Variants in SPP1 observed in about 807,000 individuals in gnomAD.
SPP1 encodes the protein secreted phosphoprotein 1.
Under a neutral mutation model 20.8 loss-of-function variants are expected in SPP1, and 18 were observed. The observed-to-expected ratio is 0.87, with a 90% confidence interval of 0.60 to 1.29. SPP1 has a LOEUF of 1.29. Ranked by LOEUF, SPP1 falls within the 50% of genes most tolerant of loss-of-function variation. SPP1 has a pLI of 0.00. For missense variants in SPP1, 363 were observed against 389.0 expected, an observed-to-expected ratio of 0.93 and a Z score of 0.56; for synonymous variants, 146 against 141.5, an observed-to-expected ratio of 1.03 and a Z score of -0.23.
Position 87,981,733 on chromosome 4 carries a change from C to CT in SPP1, c.475_476insT (p.Arg159LeufsTer3). ...CCCCACAGTAGACACATATGATGGC[C>CT]GAGGTGATAGTGTGGTTTATGGACT... On this transcript the variant is annotated frameshift_variant, in exon 6 of 7. Transcript: ENST00000395080. LOFTEE classifies it high-confidence loss of function. The CT allele has an allele frequency of 6.2e-7, 1 of 1,614,054 alleles. No homozygotes were observed. Among genetic ancestry groups the CT allele is most frequent in the Non-Finnish European group, 8.5e-7 (1 of 1,180,008 alleles).
Position 87,981,652 on chromosome 4 carries a change from C to T in SPP1, c.394C>T (p.Leu132=). Residue 132 remains leucine (L), a synonymous_variant, in exon 6 of 7, where the codon CTG becomes TTG. Coordinates refer to ENST00000395080, the MANE Select transcript of SPP1 (RefSeq NM_001040058.2). ...TCACCATTCTGATGAATCTGATGAACTGGTCACTGATTTTCCCACGGACCT... is the reference window on the plus strand; with the variant it reads ...TCACCATTCTGATGAATCTGATGAATTGGTCACTGATTTTCCCACGGACCT... ...ESHHSDESDE[L]VTDFPTDLPA... is the part of the protein sequence containing the mutation. 1.2e-6 allele frequency: 2 copies of T among 1,614,196 alleles called. No individual in the cohort carries two copies. The highest frequency in any genetic ancestry group is 1.7e-6 in the Non-Finnish European group (2 of 1,180,038).
chr4:87,980,212 T>C, intron 4 of SPP1, 86 bp downstream of exon 4: 1 of 1,506,794 alleles, frequency 6.6e-7, no homozygotes, highest in Admixed American at 1.7e-5. Context: ...GAATCCTGCC[T>C]GCCTGCTGGC....
At position 87,982,770 on chromosome 4, in the gene SPP1, C is replaced by CCACAGCCATGAATTT. The variant is rs1275350978; in HGVS notation, c.832_846dup (p.Phe278_Glu282dup). 1.2e-6 allele frequency: 2 copies of CCACAGCCATGAATTT among 1,614,034 alleles called. No homozygotes were observed. Among genetic ancestry groups the CCACAGCCATGAATTT allele is most frequent in the Non-Finnish European group, 1.7e-6 (2 of 1,180,032 alleles). On this transcript the variant is annotated inframe_insertion, in exon 7 of 7. Coordinates refer to ENST00000395080, the MANE Select transcript of SPP1 (RefSeq NM_001040058.2). ...AACTTTCCAAAGTCAGCCGTGAATT[C>CCACAGCCATGAATTT]CACAGCCATGAATTTCACAGCCATG...
At chr4:87,981,901 T>C in intron 6 of SPP1, 103 bp downstream of exon 6, 2 of 1,037,056 alleles carry the variant, frequency 1.9e-6, no homozygotes, top group South Asian at 1.6e-5. Flanking sequence ...CATTCATCCA[T>C]TCAGCAAGAA....
In SPP1 at chr4:87,982,566, C is replaced by T. The variant is rs1044462490; in HGVS notation, c.615C>T (p.Ile205=). ...SEELNGAYKA[I]PVAQDLNAPS... is the part of the protein sequence containing the mutation. ...AGTTGAATGGTGCATACAAGGCCATCCCCGTTGCCCAGGACCTGAACGCGC... is the reference window on the plus strand; with the variant it reads ...AGTTGAATGGTGCATACAAGGCCATTCCCGTTGCCCAGGACCTGAACGCGC... The change falls in exon 7 of 7, where the codon ATC becomes ATT. Residue 205 remains isoleucine, a synonymous_variant. Coordinates refer to ENST00000395080, the MANE Select transcript of SPP1 (RefSeq NM_001040058.2). The T allele has an allele frequency of 1.2e-6, 2 of 1,614,018 alleles. No homozygotes were observed. Among genetic ancestry groups the T allele is most frequent in the Admixed American group, 1.7e-5 (1 of 59,996 alleles).
At chr4:87,981,167 G>A (rs1476650047) in intron 5 of SPP1, among the ~76,000 whole-genome samples, 1 of 152,076 alleles carries the variant, frequency 6.6e-6, no homozygotes, top group East Asian at 1.9e-4. Flanking sequence ...AGTAAATAAT[G>A]TTTAATATGT....
chr4:87,982,900 G>A lies in SPP1; in HGVS notation c.*4G>A. Reference sequence around the variant, plus strand: ...TGCATCTTCTGAGGTCAATTAAAAGGAGAAAAAATACAATTTCTCACTTTG... The same window carrying A: ...TGCATCTTCTGAGGTCAATTAAAAGAAGAAAAAATACAATTTCTCACTTTG... On this transcript the variant is annotated 3_prime_UTR_variant, in exon 7 of 7. Transcript: ENST00000395080. The A allele has an allele frequency of 2.5e-6, 4 of 1,575,786 alleles. No individual in the cohort carries two copies. Among genetic ancestry groups the A allele is most frequent in the East Asian group, 2.3e-5 (1 of 44,408 alleles).
chr4:87,977,880 G>T (rs1472376116), intron 3 of SPP1: 2 of 1,149,242 alleles, frequency 1.7e-6, no homozygotes. Context: ...GTGTGGAGGG[G>T]TGTGTGTGTC....
intron 5 of SPP1, 47 bp downstream of exon 5, chr4:87,980,481 G>A (rs564289575): frequency 6.3e-7 from 1 of 1,595,026 alleles, no homozygotes; most frequent in East Asian, 2.2e-5. Context: ...TTGAAGAGAT[G>A]AAAGAAGGCA....
intron 1 of SPP1, among the ~76,000 whole-genome samples, chr4:87,976,243 T>A (rs2110064308): frequency 6.6e-6 from 1 of 152,342 alleles, no homozygotes; most frequent in Middle Eastern, 3.4e-3. Context: ...CACTGCTAAA[T>A]TTAGCTGTTA....
chr4:87,982,697 A>G lies in SPP1; in HGVS notation c.746A>G (p.Lys249Arg). 1 of 1,614,180 alleles carries G rather than the reference A, an allele frequency of 6.2e-7. No individual in the cohort carries two copies. Among genetic ancestry groups the G allele is most frequent in the Non-Finnish European group, 8.5e-7 (1 of 1,180,040 alleles). ...AAGCAGTCCAGATTATATAAGCGGA[A>G]AGCCAATGATGAGAGCAATGAGCAT... ...SHKQSRLYKRKANDESNEHSD... is the reference protein window; with the variant it reads ...SHKQSRLYKRRANDESNEHSD... The change falls in exon 7 of 7, where the codon AAA becomes AGA. Residue 249 changes from lysine (K) to arginine (R), a missense_variant. Transcript: ENST00000395080.
chr4:87,977,715 A>G, intron 3 of SPP1: 1 of 1,276,176 alleles, frequency 7.8e-7, no homozygotes. Context: ...CAGCCAAACA[A>G]CAAATGGGCA....
rs140196024 is a variant in SPP1 at position 87,980,699 on chromosome 4, A to C, written c.216+265A>C. 185 of 455,698 alleles carry C rather than the reference A, an allele frequency of 4.1e-4. 1 individual carries two copies. The highest frequency in any genetic ancestry group is 3.5e-3 in the African/African-American group (173 of 49,300). 28.2% of individuals were successfully genotyped at this position (455,698 alleles called of 1,614,324 possible). On this transcript the variant is annotated intron_variant, in intron 5 of 6. Coordinates refer to ENST00000395080, the MANE Select transcript of SPP1 (RefSeq NM_001040058.2). ...GCAATTTATTTAAGGTATTTTGTAG[A>C]TATCTAATATCTAATAAGCATCTAA...
chr4:87,977,671 T>C (rs1725436359), intron 3 of SPP1: 1 of 1,201,628 alleles, frequency 8.3e-7, no homozygotes, highest in East Asian at 6.3e-5. Flanking sequence ...GCACTAAAGA[T>C]GTACCTACCC....
chr4:87,982,776 C>G lies in SPP1; in HGVS notation c.825C>G (p.Ser275Arg). ...ELSKVSREFHSHEFHSHEDML... is the reference protein window; with the variant it reads ...ELSKVSREFHRHEFHSHEDML... Reference sequence around the variant, plus strand: ...CCAAAGTCAGCCGTGAATTCCACAGCCATGAATTTCACAGCCATGAAGATA... The same window carrying G: ...CCAAAGTCAGCCGTGAATTCCACAGGCATGAATTTCACAGCCATGAAGATA... The change falls in exon 7 of 7, where the codon AGC becomes AGG. Residue 275 changes from serine (S) to arginine (R), a missense_variant. Physicochemically the swap from Ser to Arg is moderately radical, Grantham distance 110. Coordinates refer to ENST00000395080, the MANE Select transcript of SPP1 (RefSeq NM_001040058.2). 6.2e-7 allele frequency: 1 copy of G among 1,614,132 alleles called. No homozygotes were observed.
chr4:87,981,830 C>T (rs377134084), intron 6 of SPP1, 32 bp downstream of exon 6: 3 of 1,583,942 alleles, frequency 1.9e-6, no homozygotes, highest in Non-Finnish European at 2.6e-6. Context: ...CCTGATGGTT[C>T]TGACTAGCGC....
At chr4:87,977,810 G>A (rs1401163211) in intron 3 of SPP1, 9 of 1,281,462 alleles carry the variant, frequency 7.0e-6, no homozygotes. Flanking sequence ...CTGCCTTGGG[G>A]GTCACTGCAA....
In SPP1 at chr4:87,981,698, C is replaced by A. The variant is rs778171221; in HGVS notation, c.440C>A (p.Thr147Asn). The A allele has an allele frequency of 6.2e-7, 1 of 1,614,174 alleles. No homozygotes were observed. Among genetic ancestry groups the A allele is most frequent in the Admixed American group, 1.7e-5 (1 of 60,016 alleles). Residue 147 changes from threonine to asparagine, a missense_variant, in exon 6 of 7, where the codon ACT becomes AAT. Thr to Asn is a moderately conservative substitution (Grantham distance 65, BLOSUM62 0). Transcript: ENST00000395080. Reference protein sequence around the residue: ...PTDLPATEVFTPVVPTVDTYD... With the variant: ...PTDLPATEVFNPVVPTVDTYD... ...GACCTGCCAGCAACCGAAGTTTTCA[C>A]TCCAGTTGTCCCCACAGTAGACACA...
Position 87,982,906 on chromosome 4 carries a change from A to C in SPP1, c.*10A>C. 1 of 1,574,742 alleles carries C rather than the reference A, an allele frequency of 6.4e-7. No individual in the cohort carries two copies. Among genetic ancestry groups the C allele is most frequent in the Non-Finnish European group, 8.6e-7 (1 of 1,162,394 alleles). ...TTCTGAGGTCAATTAAAAGGAGAAA[A>C]AATACAATTTCTCACTTTGCATTTA... On this transcript the variant is annotated 3_prime_UTR_variant, in exon 7 of 7. Coordinates refer to ENST00000395080, the MANE Select transcript of SPP1 (RefSeq NM_001040058.2).
Sources: allele counts gnomAD v4.1 joint callset (sites outside exome capture counted in the v4.1 genomes callset), GRCh38; gene constraint gnomAD v4.1.1; transcripts MANE v1.5; gene names NCBI Gene and HGNC (gene_info 2026-07-23, HGNC 2026-07-21).